KCNH4: variants seen among roughly 807,000 people sequenced by gnomAD.
The protein encoded by KCNH4 is potassium voltage-gated channel subfamily H member 4.
A neutral mutation model predicts 90.7 loss-of-function variants in KCNH4; 33 were observed. That is an observed-to-expected ratio of 0.36 (90% CI 0.28 to 0.49). KCNH4 has a LOEUF of 0.49. Among genes scored for constraint, KCNH4 ranks in the 20% least tolerant of loss-of-function variants. The pLI is 0.98. For synonymous variants in KCNH4, 551 were observed against 581.7 expected (o/e 0.95, Z 0.76); for missense variants, 1,044 against 1,387.1 (o/e 0.75, Z 3.93).
Position 42,171,841 on chromosome 17 carries a change from T to C in KCNH4, c.1142A>G (p.Tyr381Cys). ...LLAHWMACIWYVIGRREMEAN... is the reference protein window; with the variant it reads ...LLAHWMACIWCVIGRREMEAN... Reference sequence around the variant, plus strand: ...CTCCATCTCCCGGCGCCCGATGACATACCAGATGCAGGCCATCCAGTGGGC... The same window carrying C: ...CTCCATCTCCCGGCGCCCGATGACACACCAGATGCAGGCCATCCAGTGGGC... Residue 381 changes from tyrosine (Y) to cysteine (C), a missense_variant, in exon 7 of 17, where the codon TAT becomes TGT. Physicochemically the swap from Tyr to Cys is radical, Grantham distance 194. Coordinates refer to ENST00000264661, the MANE Select transcript of KCNH4 (RefSeq NM_012285.3). 6.2e-7 allele frequency: 1 copy of C among 1,614,050 alleles called. No individual in the cohort carries two copies. The highest frequency in any genetic ancestry group is 8.5e-7 in the Non-Finnish European group (1 of 1,180,006).
Position 42,165,595 on chromosome 17 carries a change from T to C in KCNH4, c.1939A>G (p.Lys647Glu). ...TGCAGGCCACAGTAGGTCAGAGCTTTCACATCAGCACTGGTCTTTAGCACG... is the reference window on the plus strand; with the variant it reads ...TGCAGGCCACAGTAGGTCAGAGCTTCCACATCAGCACTGGTCTTTAGCACG... ...NFVLKTSADVKALTYCGLQQL... is the reference protein window; with the variant it reads ...NFVLKTSADVEALTYCGLQQL... The change falls in exon 11 of 17, where the codon AAA (lysine) becomes GAA (glutamate). Residue 647 changes from lysine to glutamate, a missense_variant. Physicochemically the swap from Lys to Glu is moderately conservative, Grantham distance 56. Around this residue, in one of 4 missense-constraint regions of KCNH4, gnomAD observed 441 missense variants for 512.3 expected, o/e 0.86. Transcript: ENST00000264661. 1 of 1,614,206 alleles carries C rather than the reference T, an allele frequency of 6.2e-7. No individual in the cohort carries two copies. Among genetic ancestry groups the C allele is most frequent in the Non-Finnish European group, 8.5e-7 (1 of 1,180,034 alleles).
chr17:42,165,154 G>C (rs1247632025), intron 11 of KCNH4, among the ~76,000 whole-genome samples: 1 of 151,990 alleles, frequency 6.6e-6, no homozygotes, highest in Non-Finnish European at 1.5e-5. Flanking sequence ...ACAAAGGGAG[G>C]GTCCTTTGAA....
chr17:42,178,294 C>T, intron 3 of KCNH4, 37 bp downstream of exon 3: 1 of 1,614,156 alleles, frequency 6.2e-7, no homozygotes, highest in East Asian at 2.2e-5. Context: ...GCGAAGGCTT[C>T]TGACCATTCA....
chr17:42,174,732 C>G (rs1181340414), intron 6 of KCNH4, among the ~76,000 whole-genome samples: 1 of 152,132 alleles, frequency 6.6e-6, no homozygotes, highest in African/African-American at 2.4e-5. Flanking sequence ...AGAAGACCTA[C>G]TATCTGCTGG....
chr17:42,171,995 T>C lies in KCNH4; in HGVS notation c.988A>G (p.Thr330Ala). 1 of 1,591,036 alleles carries C rather than the reference T, an allele frequency of 6.3e-7. No individual in the cohort carries two copies. Among genetic ancestry groups the C allele is most frequent in the Non-Finnish European group, 8.5e-7 (1 of 1,169,826 alleles). Residue 330 changes from threonine (T) to alanine (A), a missense_variant and splice_region_variant, in exon 7 of 17, where the codon ACC becomes GCC. By Grantham distance (58) the Thr-to-Ala change is moderately conservative. Coordinates refer to ENST00000264661, the MANE Select transcript of KCNH4 (RefSeq NM_012285.3). ...GTCTTCAGTAGGTGCACCAGCGAGG[T>C]CTGCAGGAAGGTGGCGGGGGAGGCT... ...DLLYIFNITVTSLVHLLKTVR... is the reference protein window; with the variant it reads ...DLLYIFNITVASLVHLLKTVR...
chr17:42,170,093 AG>A lies in KCNH4; in HGVS notation c.1390+13del. The stretch of plus-strand genomic sequence containing the variant: ...TCGCAGGGCCCCACTGAGGCGTGGC[AG>A]GTCTGGCCTCACCGCCTATGAGCAT... On this transcript the variant is annotated intron_variant, in intron 8 of 16. Coordinates refer to ENST00000264661, the MANE Select transcript of KCNH4 (RefSeq NM_012285.3). The A allele has an allele frequency of 6.3e-7, 1 of 1,576,472 alleles. No individual in the cohort carries two copies. Among genetic ancestry groups the A allele is most frequent in the Non-Finnish European group, 8.6e-7 (1 of 1,159,244 alleles).
chr17:42,158,817 AGAGT>A (rs996265763), intron 16 of KCNH4, among the ~76,000 whole-genome samples: 1 of 151,498 alleles, frequency 6.6e-6, no homozygotes, highest in Non-Finnish European at 1.5e-5. Context: ...CCTGGGTGAC[AGAGT>A]GAGACTCCGT....
intron 6 of KCNH4, among the ~76,000 whole-genome samples, chr17:42,174,589 G>A (rs768620790): frequency 3.3e-5 from 5 of 152,092 alleles, no homozygotes; most frequent in Non-Finnish European, 5.9e-5. Flanking sequence ...AGTTAAATTC[G>A]GCTGCGTGTA....
In KCNH4 at chr17:42,171,918, A is replaced by G; in HGVS notation, c.1065T>C (p.Ser355=). 6.2e-7 allele frequency: 1 copy of G among 1,613,968 alleles called. No individual in the cohort carries two copies. Among genetic ancestry groups the G allele is most frequent in the Non-Finnish European group, 8.5e-7 (1 of 1,179,984 alleles). ...GCGTGAGCACCACAGCACTGCACTG[A>G]GAGTACCGCTCCAGCTTCTGCAGCA... ...LRLLQKLERY[S]QCSAVVLTLL... The change falls in exon 7 of 17, where the codon TCT becomes TCC. Residue 355 remains serine (S), a synonymous_variant. Coordinates refer to ENST00000264661, the MANE Select transcript of KCNH4 (RefSeq NM_012285.3).
intron 6 of KCNH4, among the ~76,000 whole-genome samples, chr17:42,174,950 G>A (rs190857740): frequency 2.3e-4 from 35 of 152,060 alleles, no homozygotes; most frequent in East Asian, 2.1e-3. Flanking sequence ...TACCATCTCC[G>A]CCTCCCTCAG....
intron 16 of KCNH4, among the ~76,000 whole-genome samples, chr17:42,157,510 G>C (rs1385166619): frequency 2.0e-5 from 3 of 152,164 alleles, no homozygotes; most frequent in Non-Finnish European, 4.4e-5. Flanking sequence ...GTGCAGAGCA[G>C]ATCCCATCTA....
rs1195224316 is a variant in KCNH4, at chr17:42,175,596, T to C, written c.970A>G (p.Ile324Val). Reference protein sequence around the residue: ...IAALPFDLLYIFNITVTSLVH... With the variant: ...IAALPFDLLYVFNITVTSLVH... ...TCACTCACCACGGTGATGTTGAAGATGTAAAGCAGGTCAAAGGGCAGAGCA... is the reference window on the plus strand; with the variant it reads ...TCACTCACCACGGTGATGTTGAAGACGTAAAGCAGGTCAAAGGGCAGAGCA... Residue 324 changes from isoleucine to valine, a missense_variant, in exon 6 of 17, where the codon ATC becomes GTC. By Grantham distance (29) the Ile-to-Val change is conservative. Around this residue, in one of 4 missense-constraint regions of KCNH4, gnomAD observed 318 missense variants for 479.6 expected, o/e 0.66. Transcript: ENST00000264661. The C allele has an allele frequency of 6.2e-7, 1 of 1,614,112 alleles. No individual in the cohort carries two copies. The highest frequency in any genetic ancestry group is 8.5e-7 in the Non-Finnish European group (1 of 1,180,040).
rs771079684 is a variant in KCNH4, at chr17:42,178,437, C to A, written c.351G>T (p.Lys117Asn). 1.2e-6 allele frequency: 2 copies of A among 1,614,176 alleles called. No homozygotes were observed. Among genetic ancestry groups the A allele is most frequent in the Non-Finnish European group, 1.7e-6 (2 of 1,180,002 alleles). Residue 117 changes from lysine to asparagine, a missense_variant, in exon 3 of 17, where the codon AAG (lysine) becomes AAT (asparagine). By Grantham distance (94) the Lys-to-Asn change is moderately conservative (BLOSUM62 0). Around this residue, in one of 4 missense-constraint regions of KCNH4, gnomAD observed 283 missense variants for 378.6 expected, o/e 0.75. Coordinates refer to ENST00000264661, the MANE Select transcript of KCNH4 (RefSeq NM_012285.3). ...FWCLLDMMPI[K>N]NEMGEVVLFL... ...ACAGCACGACCTCCCCCATCTCATTCTTGATGGGCATCATGTCCAGGAGGC... is the reference window on the plus strand; with the variant it reads ...ACAGCACGACCTCCCCCATCTCATTATTGATGGGCATCATGTCCAGGAGGC...
intron 6 of KCNH4, among the ~76,000 whole-genome samples, chr17:42,173,567 T>A (rs1008821168): frequency 6.6e-6 from 1 of 152,046 alleles, no homozygotes; most frequent in African/African-American, 2.4e-5. Flanking sequence ...GTCTCTGCTC[T>A]ACCTCTCTCT....
chr17:42,171,591 C>T (rs1285924751), intron 7 of KCNH4, among the ~76,000 whole-genome samples, 197 bp downstream of exon 7: 3 of 151,928 alleles, frequency 2.0e-5, no homozygotes, highest in South Asian at 2.1e-4. Flanking sequence ...GCTGTGAGTT[C>T]CCCCCAACCT....
intron 9 of KCNH4, among the ~76,000 whole-genome samples, chr17:42,168,674 T>C (rs2079804157): frequency 6.6e-6 from 1 of 152,080 alleles, no homozygotes; most frequent in African/African-American, 2.4e-5. Context: ...GAAGCAAGAA[T>C]TTGTATTTTG....
chr17:42,160,662 C>T (rs111461235), intron 15 of KCNH4, among the ~76,000 whole-genome samples: 86 of 152,288 alleles, frequency 5.6e-4, no homozygotes, highest in African/African-American at 1.7e-3. Context: ...CACACGCGCG[C>T]GCGAGCTTTC....
At position 42,166,342 on chromosome 17, in the gene KCNH4, C is replaced by G; in HGVS notation, c.1795G>C (p.Gly599Arg). ...TTGTCTCGGAGCACCTCAAGCGAGC[C>G]GGAGCAGACATAGTAATGTGCCTGC... The part of the protein sequence containing the change: ...ALQAHYYVCS[G>R]SLEVLRDNMV... The change falls in exon 10 of 17, where the codon GGC (glycine) becomes CGC (arginine). Residue 599 changes from glycine to arginine, a missense_variant. Around this residue, in one of 4 missense-constraint regions of KCNH4, gnomAD observed 318 missense variants for 479.6 expected, o/e 0.66. Transcript: ENST00000264661. 1 of 1,612,422 alleles carries G rather than the reference C, an allele frequency of 6.2e-7. No homozygotes were observed.
chr17:42,161,952 CTTTTTTT>C (rs986564483), intron 15 of KCNH4, among the ~76,000 whole-genome samples: 8 of 122,276 alleles, frequency 6.5e-5, no homozygotes, highest in Non-Finnish European at 1.1e-4. Context: ...ATATCTCTCT[CTTTTTTT>C]TTTTTTTTTT....
Sources: gnomAD v4.1 joint callset for allele counts (sites outside exome capture counted in the v4.1 genomes callset) on GRCh38, gnomAD v4.1.1 for gene constraint, gnomAD v4.1.1 regional missense constraint, MANE v1.5 for transcripts, NCBI Gene and HGNC (gene_info 2026-07-23, HGNC 2026-07-21) for gene names.